The following WRN variants were observed in gnomAD, a reference collection of about 807,000 sequenced individuals.
WRN encodes bifunctional 3'-5' exonuclease/ATP-dependent helicase WRN.
WRN carries 149 observed loss-of-function variants against 180.7 expected under a neutral mutation model. The observed-to-expected ratio is 0.82, with a 90% CI of 0.72 to 0.94. The LOEUF is 0.94. Among genes scored for constraint, WRN ranks in the 40% least tolerant of loss-of-function variants. The pLI is 0.00. For missense variants in WRN, 1,661 were observed against 1,700.1 expected (o/e 0.98, Z 0.40); for synonymous variants, 548 against 568.9 (o/e 0.96, Z 0.52).
At chr8:31,061,864 C>T (rs1238551201) in intron 3 of WRN, among the ~76,000 whole-genome samples, 2 of 152,120 alleles carry the variant, frequency 1.3e-5, no homozygotes, top group Non-Finnish European at 2.9e-5. Context: ...TTGCCCAGCC[C>T]CATAGAGTTT....
chr8:31,120,046 A>C lies in WRN; in HGVS notation c.2449-197A>C, dbSNP rs191051498. The C allele has an allele frequency of 1.8e-5, 11 of 615,078 alleles. No individual in the cohort carries two copies. In the East Asian group the frequency reaches 3.0e-4, roughly 17 times the overall value. 38.1% of individuals were successfully genotyped at this position (615,078 alleles called of 1,614,324 possible). A position where few individuals can be genotyped will look rare whatever the true frequency, so the allele number is the denominator to read the frequency against. On this transcript the variant is annotated intron_variant, in intron 20 of 34. Transcript: ENST00000298139. ...CTATTTTTTATAGAGAGTGAACAGA[A>C]ATCCCATTTCTAGTCACCAGTCCTT...
intron 20 of WRN, 127 bp from the exon 21 acceptor site, chr8:31,120,116 C>A: frequency 9.1e-7 from 1 of 1,094,082 alleles, no homozygotes; most frequent in Non-Finnish European, 1.4e-6. Context: ...TGGTTGAAAT[C>A]ACATTGAATT....
intron 16 of WRN, among the ~76,000 whole-genome samples, chr8:31,094,713 G>T (rs1018803409): frequency 5.9e-5 from 9 of 152,036 alleles, no homozygotes; most frequent in Non-Finnish European, 8.8e-5. Flanking sequence ...TGCCTATTCT[G>T]GATGTTTCTA....
At chr8:31,068,402 A>G (rs1385302173) in intron 7 of WRN, 75 bp downstream of exon 7, 7 of 1,252,222 alleles carry the variant, frequency 5.6e-6, no homozygotes, top group South Asian at 1.3e-5. Context: ...CAATATTCAC[A>G]TATTTGCAAA....
chr8:31,034,942 A>T (rs1373722708), intron 1 of WRN, among the ~76,000 whole-genome samples: 1 of 152,208 alleles, frequency 6.6e-6, no homozygotes. Context: ...GGGCTTTAAG[A>T]GATAATTATC....
chr8:31,112,549 TA>T, intron 19 of WRN, among the ~76,000 whole-genome samples: 1 of 152,256 alleles, frequency 6.6e-6, no homozygotes, highest in African/African-American at 2.4e-5. Flanking sequence ...ATATATATGT[TA>T]AGAAGTTTTC....
At position 31,172,139 on chromosome 8, in the gene WRN, T is replaced by TTGTG. The variant is rs560889099; in HGVS notation, c.4192-839_4192-836dup. 1.2e-3 allele frequency among the ~76,000 whole-genome samples: 177 copies of TTGTG among 150,906 alleles called. 2 individuals carry two copies. The East Asian group carries it at 0.018, about 15-fold the overall frequency. On this transcript the variant is annotated intron_variant, in intron 34 of 34. Coordinates refer to ENST00000298139, the MANE Select transcript of WRN (RefSeq NM_000553.6). The stretch of plus-strand genomic sequence containing the variant: ...ATGGTATTGTACCCAAACACTACCT[T>TTGTG]TGTGTGTGTGTGTGTGTGTGCCTGT...
intron 1 of WRN, among the ~76,000 whole-genome samples, chr8:31,047,376 C>A (rs1000164908): frequency 2.0e-5 from 3 of 152,106 alleles, no homozygotes; most frequent in Non-Finnish European, 4.4e-5. Flanking sequence ...CAGCCTCCTG[C>A]CTTAGCCTCC....
At position 31,113,178 on chromosome 8, in the gene WRN, G is replaced by T. The variant is rs116705495; in HGVS notation, c.2273+1379G>T. On this transcript the variant is annotated intron_variant, in intron 19 of 34. Coordinates refer to ENST00000298139, the MANE Select transcript of WRN (RefSeq NM_000553.6). ...CTGAGATCACACCACTGTACTCCAG[G>T]CTGGATGACAGAGCAAGGCCCCGTT... Among the ~76,000 whole-genome samples, 1,295 of 149,034 alleles carry T rather than the reference G, an allele frequency of 8.7e-3. 24 individuals are homozygous for T. Among genetic ancestry groups the T allele is most frequent in the African/African-American group, 0.029 (1,193 of 40,706 alleles).
intron 8 of WRN, among the ~76,000 whole-genome samples, chr8:31,079,685 C>T (rs1339161585): frequency 6.6e-6 from 1 of 152,134 alleles, no homozygotes; most frequent in East Asian, 1.9e-4. Flanking sequence ...CATAGTTTCT[C>T]ACTTGTTATA....
At chr8:31,144,850 A>G (rs953715969) in intron 28 of WRN, among the ~76,000 whole-genome samples, 1 of 152,228 alleles carries the variant, frequency 6.6e-6, no homozygotes, top group Non-Finnish European at 1.5e-5. Context: ...TAAGAAAGCA[A>G]AGCAGGCTTT....
intron 16 of WRN, among the ~76,000 whole-genome samples, chr8:31,094,024 C>T (rs903174276): frequency 6.6e-6 from 1 of 152,160 alleles, no homozygotes; most frequent in African/African-American, 2.4e-5. Context: ...TGGATCGTTT[C>T]CAGTTTTGGG....
intron 8 of WRN, among the ~76,000 whole-genome samples, chr8:31,079,017 G>C (rs1813201996): frequency 6.6e-6 from 1 of 152,156 alleles, no homozygotes; most frequent in African/African-American, 2.4e-5. Flanking sequence ...TCACATATCT[G>C]TTCCTACTAA....
At chr8:31,142,151 T>A (rs2130419672) in intron 26 of WRN, among the ~76,000 whole-genome samples, 1 of 152,232 alleles carries the variant, frequency 6.6e-6, no homozygotes, top group East Asian at 1.9e-4. Flanking sequence ...CTTCTAGTGC[T>A]TCCTAGGCTG....
chr8:31,078,250 A>G (rs1449641525), intron 8 of WRN, among the ~76,000 whole-genome samples: 1 of 152,228 alleles, frequency 6.6e-6, no homozygotes, highest in Non-Finnish European at 1.5e-5. Flanking sequence ...GTGAAGTTTT[A>G]GTGTGAAAAC....
Position 31,160,845 on chromosome 8 carries a change from T to A in WRN, c.3982+3315T>A, listed in dbSNP as rs187690944. ...CTAAAAATACCAAAATTAGCTGGGC[T>A]TGGTGGCACACACCTGTAATCCCAG... On this transcript the variant is annotated intron_variant, in intron 33 of 34. Coordinates refer to ENST00000298139, the MANE Select transcript of WRN (RefSeq NM_000553.6). 7.0e-4 allele frequency among the ~76,000 whole-genome samples: 107 copies of A among 151,938 alleles called. 2 individuals are homozygous for A. The highest frequency in any genetic ancestry group is 1.0e-3 in the South Asian group (5 of 4,802).
At position 31,096,190 on chromosome 8, in the gene WRN, G is replaced by A. The variant is rs143313947; in HGVS notation, c.1899-578G>A. On this transcript the variant is annotated intron_variant, in intron 16 of 34. Transcript: ENST00000298139. Reference sequence around the variant, plus strand: ...TCCTTGTGAAAGCACAATGCCTAGCGCACAATAGACACTTAAACTTATCTG... The same window carrying A: ...TCCTTGTGAAAGCACAATGCCTAGCACACAATAGACACTTAAACTTATCTG... Among the ~76,000 whole-genome samples, 32 of 152,230 alleles carry A rather than the reference G, an allele frequency of 2.1e-4. No homozygotes were observed. In the East Asian group the frequency reaches 6.0e-3, roughly 28 times the overall value.
intron 24 of WRN, among the ~76,000 whole-genome samples, chr8:31,140,642 G>A (rs535731307): frequency 6.7e-4 from 102 of 152,320 alleles, no homozygotes; most frequent in African/African-American, 2.3e-3. Context: ...AGTAAACTTT[G>A]CAGTGTATCA....
At chr8:31,063,147 A>G (rs540314938) in intron 3 of WRN, among the ~76,000 whole-genome samples, 38 of 152,138 alleles carry the variant, frequency 2.5e-4, no homozygotes, top group Non-Finnish European at 4.4e-4. Context: ...CATGTTTTTT[A>G]TAATAGTACT....
Sources: allele counts gnomAD v4.1 joint callset (sites outside exome capture counted in the v4.1 genomes callset), GRCh38; gene constraint gnomAD v4.1.1; transcripts MANE v1.5; gene names NCBI Gene and HGNC (gene_info 2026-07-23, HGNC 2026-07-21).